The following CYP39A1 variants were observed in gnomAD, a reference collection of about 807,000 sequenced individuals.
CYP39A1 encodes the protein 24-hydroxycholesterol 7-alpha-hydroxylase.
A neutral mutation model predicts 58.1 loss-of-function variants in CYP39A1; 49 were observed. The ratio of observed to expected loss-of-function variants is 0.84; its 90% CI spans 0.67 to 1.07. The LOEUF (loss-of-function observed/expected upper bound fraction) is 1.07. CYP39A1 is among the 50% of genes least tolerant of loss of function. The probability of loss-of-function intolerance (pLI) is 0.00; values close to 1 mark genes in which losing one functional copy is unlikely to be tolerated. For synonymous variants in CYP39A1, 209 were observed against 187.6 expected (o/e 1.11, Z -0.93); for missense variants, 531 against 539.4 (o/e 0.98, Z 0.16).
chr6:46,638,081 A>G lies in CYP39A1; in HGVS notation c.489-103T>C, dbSNP rs891093360. ...TTTCATAGCAATATATGGGGAGCAG[A>G]TAATAGGTGACAGATTCTCTTGGGA... On this transcript the variant is annotated intron_variant, in intron 3 of 11. Coordinates refer to ENST00000275016, the MANE Select transcript of CYP39A1 (RefSeq NM_016593.5). 5.3e-6 allele frequency: 6 copies of G among 1,136,460 alleles called. No individual in the cohort carries two copies. The African/African-American group carries it at 8.0e-5, about 15-fold the overall frequency. 70.4% of individuals were successfully genotyped at this position (1,136,460 alleles called of 1,614,324 possible).
chr6:46,576,647 C>A (rs975076785), intron 10 of CYP39A1, among the ~76,000 whole-genome samples: 1 of 152,136 alleles, frequency 6.6e-6, no homozygotes, highest in Non-Finnish European at 1.5e-5. Flanking sequence ...AACAAAGAAC[C>A]AAACTGAATT....
chr6:46,624,013 T>A (rs965987140), intron 7 of CYP39A1, among the ~76,000 whole-genome samples: 1 of 152,140 alleles, frequency 6.6e-6, no homozygotes, highest in East Asian at 1.9e-4. Context: ...AACAATGGGT[T>A]TTAAAAATAA....
intron 7 of CYP39A1, 88 bp from the exon 8 acceptor site, chr6:46,596,208 G>A: frequency 3.2e-6 from 3 of 932,142 alleles, no homozygotes; most frequent in Non-Finnish European, 4.7e-6. Context: ...GTTAGATGTT[G>A]CCTCTGACAG....
At chr6:46,628,562 C>G (rs1173424206) in intron 6 of CYP39A1, among the ~76,000 whole-genome samples, 1 of 152,194 alleles carries the variant, frequency 6.6e-6, no homozygotes, top group Non-Finnish European at 1.5e-5. Flanking sequence ...TCTTGGGCCA[C>G]AATGGAGCCT....
Position 46,595,941 on chromosome 6 carries a change from T to A in CYP39A1, c.1065+46A>T, listed in dbSNP as rs1335056652. On this transcript the variant is annotated intron_variant, in intron 8 of 11. Coordinates refer to ENST00000275016, the MANE Select transcript of CYP39A1 (RefSeq NM_016593.5). ...AAATATATGTGGGCAAAATGTGTAC[T>A]TTTTTTGTAGAAGGTTGATTCATTT... The A allele has an allele frequency of 4.5e-6, 7 of 1,569,348 alleles. No homozygotes were observed. In the Admixed American group the frequency reaches 1.4e-4, roughly 31 times the overall value.
chr6:46,625,831 A>T (rs987809467), intron 6 of CYP39A1, among the ~76,000 whole-genome samples: 1 of 152,112 alleles, frequency 6.6e-6, no homozygotes, highest in African/African-American at 2.4e-5. Context: ...TTATATAGGC[A>T]TATATTAAAT....
At chr6:46,646,347 G>T (rs940571769) in intron 1 of CYP39A1, among the ~76,000 whole-genome samples, 1 of 152,030 alleles carries the variant, frequency 6.6e-6, no homozygotes, top group African/African-American at 2.4e-5. Flanking sequence ...ATTGAATTTT[G>T]TCAAATGCTT....
chr6:46,556,046 G>A (rs1485784226), intron 10 of CYP39A1, among the ~76,000 whole-genome samples: 1 of 152,120 alleles, frequency 6.6e-6, no homozygotes, highest in Non-Finnish European at 1.5e-5. Flanking sequence ...TCACATAAAG[G>A]TTCAGAATGT....
At chr6:46,651,453 T>C (rs1477858948) in intron 1 of CYP39A1, among the ~76,000 whole-genome samples, 7 of 152,236 alleles carry the variant, frequency 4.6e-5, no homozygotes, top group Non-Finnish European at 8.8e-5. Flanking sequence ...TATTATTCCA[T>C]TGTTGTTCAT....
chr6:46,580,642 T>C (rs1437641558), intron 10 of CYP39A1, among the ~76,000 whole-genome samples: 3 of 151,884 alleles, frequency 2.0e-5, no homozygotes, highest in Non-Finnish European at 2.9e-5. Flanking sequence ...GTAAGGAACT[T>C]AAATCAGCAA....
At chr6:46,608,593 T>A (rs553416145) in intron 7 of CYP39A1, among the ~76,000 whole-genome samples, 2 of 152,058 alleles carry the variant, frequency 1.3e-5, no homozygotes, top group South Asian at 4.1e-4. Flanking sequence ...ATAATACCAT[T>A]CACAATAGGT....
At chr6:46,620,887 G>A (rs941143326) in intron 7 of CYP39A1, among the ~76,000 whole-genome samples, 1 of 148,254 alleles carries the variant, frequency 6.7e-6, no homozygotes, top group African/African-American at 2.5e-5. Flanking sequence ...TACAGAATTA[G>A]TTAAGGAAAA....
intron 8 of CYP39A1, among the ~76,000 whole-genome samples, chr6:46,591,552 T>C (rs751371590): frequency 3.9e-5 from 6 of 152,096 alleles, no homozygotes; most frequent in Non-Finnish European, 8.8e-5. Flanking sequence ...GAGGTTTTTG[T>C]TATTTTAAAT....
Position 46,612,563 on chromosome 6 carries a change from A to G in CYP39A1, c.931+12855T>C, listed in dbSNP as rs184855527. Among the ~76,000 whole-genome samples, 487 of 152,356 alleles carry G rather than the reference A, an allele frequency of 3.2e-3. 1 individual carries two copies. The highest frequency in any genetic ancestry group is 5.2e-3 in the Non-Finnish European group (353 of 68,040). On this transcript the variant is annotated intron_variant, in intron 7 of 11. Coordinates refer to ENST00000275016, the MANE Select transcript of CYP39A1 (RefSeq NM_016593.5). ...CCATAATCTACAATTTCCTGGGTCC[A>G]TTCTTGGATTTTAAAAGCTAGGCTA...
At chr6:46,562,607 A>G (rs1201823049) in intron 10 of CYP39A1, among the ~76,000 whole-genome samples, 12 of 152,002 alleles carry the variant, frequency 7.9e-5, no homozygotes, top group African/African-American at 2.4e-5. Context: ...CTCTCCATTA[A>G]AAAATAAATA....
At chr6:46,617,854 T>C (rs1184792274) in intron 7 of CYP39A1, among the ~76,000 whole-genome samples, 1 of 152,186 alleles carries the variant, frequency 6.6e-6, no homozygotes, top group Non-Finnish European at 1.5e-5. Context: ...CTATTAACTA[T>C]TACTGTTTCT....
chr6:46,586,386 A>C (rs1397020714), intron 10 of CYP39A1: 3 of 983,820 alleles, frequency 3.0e-6, no homozygotes, highest in South Asian at 9.4e-5. Context: ...TGACATATTT[A>C]ATGTAGATTG....
intron 4 of CYP39A1, among the ~76,000 whole-genome samples, chr6:46,637,452 C>A (rs1423091249): frequency 2.0e-5 from 3 of 152,216 alleles, no homozygotes; most frequent in African/African-American, 7.2e-5. Context: ...TAACCACGCC[C>A]ATGTTTGCCT....
chr6:46,625,464 G>C lies in CYP39A1; in HGVS notation c.885C>G (p.Ile295Met), dbSNP rs1157686820. 1 of 1,610,752 alleles carries C rather than the reference G, an allele frequency of 6.2e-7. No individual in the cohort carries two copies. Among genetic ancestry groups the C allele is most frequent in the East Asian group, 2.2e-5 (1 of 44,716 alleles). ...TLAYVLSHPDIHKAIMEGISS... is the reference protein window; with the variant it reads ...TLAYVLSHPDMHKAIMEGISS... ...ATATGCCTTCCATAATGGCCTTGTG[G>C]ATATCAGGATGAGAAAGGACGTATG... is the stretch of plus-strand genomic sequence containing the variant. Residue 295 changes from isoleucine to methionine, a missense_variant, in exon 7 of 12, where the codon ATC becomes ATG. Physicochemically the swap from Ile to Met is conservative, Grantham distance 10. Coordinates refer to ENST00000275016, the MANE Select transcript of CYP39A1 (RefSeq NM_016593.5).
Sources: gnomAD v4.1 joint callset for allele counts (sites outside exome capture counted in the v4.1 genomes callset) on GRCh38, gnomAD v4.1.1 for gene constraint, MANE v1.5 for transcripts, NCBI Gene and HGNC (gene_info 2026-07-23, HGNC 2026-07-21) for gene names.